Variants in SASH1 observed in about 807,000 individuals in gnomAD.
The protein encoded by SASH1 is SAM and SH3 domain-containing protein 1.
SASH1 carries 44 observed loss-of-function variants against 125.2 expected under a neutral mutation model. The ratio of observed to expected loss-of-function variants is 0.35; its 90% confidence interval spans 0.28 to 0.45. SASH1 has a LOEUF of 0.45. Ranked by LOEUF, SASH1 falls within the 20% of genes least tolerant of loss-of-function variation. The probability of loss-of-function intolerance (pLI) is 1.00; values close to 1 mark genes in which losing one functional copy is unlikely to be tolerated. For synonymous variants in SASH1, 639 were observed against 649.1 expected (o/e 0.98, Z 0.24); for missense variants, 1,426 against 1,614.5 (o/e 0.88, Z 2.00).
chr6:148,327,806 T>G (rs1780873276), intron 1 of SASH1, among the ~76,000 whole-genome samples: 1 of 150,140 alleles, frequency 6.7e-6, no homozygotes, highest in Non-Finnish European at 1.5e-5. Flanking sequence ...CTGGAGGTGG[T>G]GGCACATGCC....
chr6:148,420,073 T>C (rs1342131067), intron 2 of SASH1, among the ~76,000 whole-genome samples: 1 of 152,188 alleles, frequency 6.6e-6, no homozygotes, highest in Non-Finnish European at 1.5e-5. Context: ...TAATGTACCT[T>C]TAAATGACAA....
chr6:148,214,343 C>T, the SASH1 span, among the ~76,000 whole-genome samples: 4 of 152,164 alleles, frequency 2.6e-5, no homozygotes, highest in Admixed American at 2.6e-4. Flanking sequence ...ATGATACATG[C>T]AGTTGAGTGA....
At chr6:148,243,280 G>A in the SASH1 span, among the ~76,000 whole-genome samples, 2 of 151,792 alleles carry the variant, frequency 1.3e-5, no homozygotes, top group Non-Finnish European at 2.9e-5. Flanking sequence ...GAGAAACCCC[G>A]TCTTTACTAA....
intron 2 of SASH1, among the ~76,000 whole-genome samples, chr6:148,433,401 TTTTTC>T (rs1776143056): frequency 7.5e-6 from 1 of 133,954 alleles, no homozygotes; most frequent in African/African-American, 3.1e-5. Flanking sequence ...TTTTGTTTCT[TTTTTC>T]TTTTTTTTTT....
chr6:148,531,735 G>A, intron 13 of SASH1, 74 bp downstream of exon 13: 1 of 1,253,158 alleles, frequency 8.0e-7, no homozygotes, highest in Non-Finnish European at 1.0e-6. Context: ...CTAGGTTCAG[G>A]CAATTTCAAG....
At chr6:148,226,885 T>A in the SASH1 span, among the ~76,000 whole-genome samples, 6 of 152,216 alleles carry the variant, frequency 3.9e-5, no homozygotes, top group African/African-American at 1.4e-4. Flanking sequence ...CCTACAACAC[T>A]CACGATCAAA....
At chr6:148,276,513 G>A (rs76324803) in intron 1 of SASH1, among the ~76,000 whole-genome samples, 3,055 of 152,204 alleles carry the variant, frequency 0.02, 96 homozygotes, top group African/African-American at 0.07. Context: ...GAGGAACAGC[G>A]CCCAGTCGAT....
rs61460366 is a variant in SASH1 at position 148,429,385 on chromosome 6, TAAAAAAA to T, written c.286-10778_286-10772del. ...GGTGACAGAGCAAGACCCTGTCTCTTAAAAAAAAAAAAAAAAAAAAAAAAAAAGAGGA... is the reference window on the plus strand; with the variant it reads ...GGTGACAGAGCAAGACCCTGTCTCTTAAAAAAAAAAAAAAAAAAAAGAGGA... On this transcript the variant is annotated intron_variant, in intron 2 of 19. Transcript: ENST00000367467. Among the ~76,000 whole-genome samples the T allele has an allele frequency of 1.2e-4, 9 of 73,942 alleles. No individual in the cohort carries two copies. The East Asian group carries it at 2.2e-3, about 18-fold the overall frequency. 48.5% of individuals were successfully genotyped at this position (73,942 alleles called of 152,430 possible). A position where few individuals can be genotyped will look rare whatever the true frequency, so the allele number is the denominator to read the frequency against.
Position 148,544,904 on chromosome 6 carries a change from C to A in SASH1, c.3348+86C>A. The A allele has an allele frequency of 7.4e-7, 1 of 1,360,038 alleles. No individual in the cohort carries two copies. The highest frequency in any genetic ancestry group is 9.8e-7 in the Non-Finnish European group (1 of 1,016,050). The allele number at this position is 1,360,038 out of a possible 1,614,324, so 84.2% of individuals were successfully genotyped here. ...AGGTGAGATGAACCCACATCTGAAG[C>A]CAGCCCGGTAGCCCGCCCAGTGGAC... On this transcript the variant is annotated intron_variant, in intron 18 of 19. Transcript: ENST00000367467. This position sits in a 1 kb window ranked among gnomAD's most constrained non-coding sequence, Gnocchi z 6.4.
intron 2 of SASH1, among the ~76,000 whole-genome samples, chr6:148,409,119 C>T (rs536700086): frequency 6.6e-6 from 1 of 152,256 alleles, no homozygotes; most frequent in Admixed American, 6.5e-5. Context: ...CTTCTCATGT[C>T]GTGTCTGTGC....
At chr6:148,264,961 C>T in the SASH1 span, among the ~76,000 whole-genome samples, 65 of 152,354 alleles carry the variant, frequency 4.3e-4, no homozygotes, top group African/African-American at 1.5e-3. Context: ...GTGTCTAGTA[C>T]AGACCACGTG....
chr6:148,301,091 C>T (rs1377869259), intron 1 of SASH1, among the ~76,000 whole-genome samples: 2 of 151,810 alleles, frequency 1.3e-5, no homozygotes, highest in African/African-American at 4.8e-5. Flanking sequence ...ACTTGGGAGG[C>T]CAAGGCCAGC....
chr6:148,200,106 G>T, the SASH1 span, among the ~76,000 whole-genome samples: 1 of 152,118 alleles, frequency 6.6e-6, no homozygotes, highest in South Asian at 2.1e-4. Context: ...TTTTTCCTTT[G>T]ATTATACTTT....
rs67748460 is a variant in SASH1 at position 148,480,321 on chromosome 6, TA to T, written c.627+6118del. 9.0e-3 allele frequency: 1,104 copies of T among 122,304 alleles called. 5 individuals carry two copies. The highest frequency in any genetic ancestry group is 0.02 in the African/African-American group (638 of 32,508). 7.6% of individuals were successfully genotyped at this position (122,304 alleles called of 1,614,324 possible). A position where few individuals can be genotyped will look rare whatever the true frequency, so the allele number is the denominator to read the frequency against. ...GGGCAAACAGAGCAAAACTCCATCT[TA>T]AAAAAAAAAAAAAAAAAAGAAAGAT... is the stretch of plus-strand genomic sequence containing the variant. On this transcript the variant is annotated intron_variant, in intron 7 of 19. Coordinates refer to ENST00000367467, the MANE Select transcript of SASH1 (RefSeq NM_015278.5).
At chr6:148,341,274 T>C (rs1458274868), upstream of SASH1, among the ~76,000 whole-genome samples, 2 of 151,614 alleles carry the variant, frequency 1.3e-5, no homozygotes, top group Non-Finnish European at 2.9e-5. Context: ...GCCTCCTGAG[T>C]AGCTGGGATT....
chr6:148,342,041 C>T (rs546981789), upstream of SASH1, among the ~76,000 whole-genome samples: 2 of 152,312 alleles, frequency 1.3e-5, no homozygotes, highest in African/African-American at 4.8e-5. Context: ...ACTGGCTACA[C>T]AATCATTTGA....
chr6:148,390,540 A>G (rs1374434791), intron 2 of SASH1, among the ~76,000 whole-genome samples: 4 of 152,192 alleles, frequency 2.6e-5, no homozygotes, highest in African/African-American at 7.2e-5. Flanking sequence ...TAATCCCAGC[A>G]CTTTGAGAGG....
At position 148,410,099 on chromosome 6, in the gene SASH1, C is replaced by CTTT. The variant is rs869081496; in HGVS notation, c.285+19864_285+19866dup. 3.0e-4 allele frequency among the ~76,000 whole-genome samples: 17 copies of CTTT among 55,742 alleles called. 3 individuals carry two copies. Among genetic ancestry groups the CTTT allele is most frequent in the African/African-American group, 4.4e-4 (6 of 13,718 alleles). 36.6% of individuals were successfully genotyped at this position (55,742 alleles called of 152,430 possible). On this transcript the variant is annotated intron_variant, in intron 2 of 19. Transcript: ENST00000367467. ...AGGTAGGGTGTTTTCCAGAGCAGTC[C>CTTT]TTTTTTTTTTTTTTTTTTTTTTTTT...
In SASH1 at chr6:148,307,682, TGCTGCTTGTTGAATTAGGCA is replaced by T. The variant is rs1045394740; in HGVS notation, n.74+35324_74+35343del. Reference sequence around the variant, plus strand: ...CCAGAATGACCTGTCATCTCCCTTCTGCTGCTTGTTGAATTAGGCAGCTGCTTGTTGAATTAGGTTATTAA... The same window carrying T: ...CCAGAATGACCTGTCATCTCCCTTCTGCTGCTTGTTGAATTAGGTTATTAA... On this transcript the variant is annotated intron_variant and non_coding_transcript_variant, in intron 1 of 3. Coordinates refer to the SASH1 transcript ENST00000367469. Among the ~76,000 whole-genome samples, 53 of 152,178 alleles carry T rather than the reference TGCTGCTTGTTGAATTAGGCA, an allele frequency of 3.5e-4. 2 individuals carry two copies. The South Asian group carries it at 9.1e-3, about 26-fold the overall frequency.
Sources: gnomAD v4.1 joint callset for allele counts (sites outside exome capture counted in the v4.1 genomes callset) on GRCh38, gnomAD v4.1.1 for gene constraint, Gnocchi (gnomAD v3.1) non-coding constraint, MANE v1.5 for transcripts, NCBI Gene and HGNC (gene_info 2026-07-23, HGNC 2026-07-21) for gene names.